Variants in GHR observed in about 807,000 individuals in gnomAD.
The protein encoded by GHR is GH receptor.
In GHR, 35 loss-of-function variants were observed where a neutral mutation model predicts 67.1. The ratio of observed to expected loss-of-function variants is 0.52; its 90% CI spans 0.40 to 0.69. The LOEUF (loss-of-function observed/expected upper bound fraction) is 0.69, where lower values mean the gene tolerates loss of function less well. Ranked by LOEUF, GHR falls within the 30% of genes least tolerant of loss-of-function variation. GHR has a pLI of 0.00. For missense variants in GHR, 792 were observed against 764.6 expected (o/e 1.04, Z -0.42); for synonymous variants, 272 against 269.1 (o/e 1.01, Z -0.10).
chr5:42,672,250 G>A lies in GHR; in HGVS notation c.137-16640G>A, dbSNP rs892423457. Among the ~76,000 whole-genome samples, 2 of 151,970 alleles carry A rather than the reference G, an allele frequency of 1.3e-5. 1 individual carries two copies. Among genetic ancestry groups the A allele is most frequent in the South Asian group, 4.2e-4 (2 of 4,800 alleles). On this transcript the variant is annotated intron_variant, in intron 3 of 9. Transcript: ENST00000230882. ...ATTCTATGCCTAGAAAAACCTAAAGGCTCCACCAAAAAAGCTCTTGGAACT... is the reference window on the plus strand; with the variant it reads ...ATTCTATGCCTAGAAAAACCTAAAGACTCCACCAAAAAAGCTCTTGGAACT...
chr5:42,537,623 G>C (rs577457784), intron 1 of GHR, among the ~76,000 whole-genome samples: 31 of 152,266 alleles, frequency 2.0e-4, no homozygotes, highest in Middle Eastern at 3.4e-3. Context: ...TGAATAGAAT[G>C]TGTATTCTGC....
intron 2 of GHR, among the ~76,000 whole-genome samples, chr5:42,605,397 C>T (rs1275611453): frequency 2.0e-5 from 3 of 152,078 alleles, no homozygotes; most frequent in African/African-American, 4.8e-5. Context: ...AGAGCCACCG[C>T]GCCCGGCCTG....
chr5:42,524,896 G>A (rs1386034676), intron 1 of GHR, among the ~76,000 whole-genome samples: 1 of 152,192 alleles, frequency 6.6e-6, no homozygotes, highest in Non-Finnish European at 1.5e-5. Flanking sequence ...TGAGCCTGTG[G>A]GTGCACAAAA....
At chr5:42,478,735 G>C (rs1477823556) in intron 1 of GHR, among the ~76,000 whole-genome samples, 2 of 152,188 alleles carry the variant, frequency 1.3e-5, no homozygotes, top group African/African-American at 4.8e-5. Flanking sequence ...TATTGATTTT[G>C]TATCCTGAGA....
At chr5:42,473,406 T>C (rs1468075785) in intron 1 of GHR, among the ~76,000 whole-genome samples, 1 of 152,080 alleles carries the variant, frequency 6.6e-6, no homozygotes, top group Non-Finnish European at 1.5e-5. Flanking sequence ...TTTTTCTCTA[T>C]AGATAGAAAT....
chr5:42,636,929 T>C (rs1754224169), intron 3 of GHR, among the ~76,000 whole-genome samples: 1 of 152,168 alleles, frequency 6.6e-6, no homozygotes, highest in Non-Finnish European at 1.5e-5. Context: ...ACTTATTACT[T>C]AGGAAAAAAT....
chr5:42,498,174 C>A, intron 1 of GHR, among the ~76,000 whole-genome samples: 1 of 152,170 alleles, frequency 6.6e-6, no homozygotes, highest in East Asian at 1.9e-4. Context: ...TGCTGCTCAG[C>A]TTAAAGGGAA....
intron 1 of GHR, chr5:42,468,182 G>A (rs997292065): frequency 7.2e-7 from 1 of 1,397,188 alleles, no homozygotes; most frequent in Non-Finnish European, 1.0e-6. Flanking sequence ...AACTCCCCTG[G>A]GGCCCAGACT....
At chr5:42,520,000 G>A (rs1290748779) in intron 1 of GHR, among the ~76,000 whole-genome samples, 3 of 152,164 alleles carry the variant, frequency 2.0e-5, no homozygotes, top group African/African-American at 7.2e-5. Context: ...TATGAATGTT[G>A]TGAATATTTC....
intron 9 of GHR, among the ~76,000 whole-genome samples, 163 bp from the exon 10 acceptor site, chr5:42,718,290 G>A (rs913873617): frequency 5.3e-5 from 8 of 151,186 alleles, no homozygotes; most frequent in African/African-American, 9.7e-5. Flanking sequence ...ATAAGAAAAC[G>A]TCATATGTAT....
At chr5:42,538,321 T>A (rs1295135139) in intron 1 of GHR, among the ~76,000 whole-genome samples, 2 of 152,202 alleles carry the variant, frequency 1.3e-5, no homozygotes, top group Non-Finnish European at 2.9e-5. Flanking sequence ...TTTCCAGGAT[T>A]TGTTTCAAGA....
intron 3 of GHR, among the ~76,000 whole-genome samples, chr5:42,687,778 T>C (rs1757231457): frequency 6.6e-6 from 1 of 152,168 alleles, no homozygotes; most frequent in South Asian, 2.1e-4. Context: ...GCCTCCCTGA[T>C]AACCCAGGAA....
chr5:42,621,724 G>A (rs978095362), intron 2 of GHR, among the ~76,000 whole-genome samples: 4 of 152,116 alleles, frequency 2.6e-5, no homozygotes, highest in African/African-American at 9.7e-5. Flanking sequence ...CTATTTTACT[G>A]TAAAGCATTA....
chr5:42,431,664 C>T (rs1302780450), intron 1 of GHR, among the ~76,000 whole-genome samples: 1 of 152,190 alleles, frequency 6.6e-6, no homozygotes, highest in Admixed American at 6.5e-5. Context: ...GATAAGACTT[C>T]AGCCAGTTTT....
chr5:42,522,908 A>G (rs747620248), intron 1 of GHR, among the ~76,000 whole-genome samples: 1 of 152,244 alleles, frequency 6.6e-6, no homozygotes, highest in Non-Finnish European at 1.5e-5. Flanking sequence ...TTTTCTAGGC[A>G]TTATGCAAGA....
At chr5:42,556,467 C>G (rs940417544) in intron 1 of GHR, among the ~76,000 whole-genome samples, 4 of 151,972 alleles carry the variant, frequency 2.6e-5, no homozygotes, top group Non-Finnish European at 5.9e-5. Context: ...TTTCCATGAT[C>G]TATATGATCT....
intron 6 of GHR, among the ~76,000 whole-genome samples, chr5:42,701,442 T>C (rs1757922615): frequency 6.6e-6 from 1 of 152,214 alleles, no homozygotes; most frequent in South Asian, 2.1e-4. Context: ...AGGTATTGTA[T>C]TTGTCTTGAA....
At chr5:42,601,592 T>C (rs551310390) in intron 2 of GHR, among the ~76,000 whole-genome samples, 1 of 152,312 alleles carries the variant, frequency 6.6e-6, no homozygotes, top group African/African-American at 2.4e-5. Context: ...AGGTTTGTTA[T>C]TTTCCAAATT....
intron 1 of GHR, among the ~76,000 whole-genome samples, chr5:42,461,107 G>T (rs1301104898): frequency 6.6e-6 from 1 of 152,112 alleles, no homozygotes; most frequent in Admixed American, 6.5e-5. Context: ...AAGAAAAAGG[G>T]ACAGAGGTGA....
Sources: allele counts gnomAD v4.1 joint callset (sites outside exome capture counted in the v4.1 genomes callset), GRCh38; gene constraint gnomAD v4.1.1; transcripts MANE v1.5; gene names NCBI Gene and HGNC (gene_info 2026-07-23, HGNC 2026-07-21).